The following TRPC5OS variants were observed in gnomAD, a reference collection of about 807,000 sequenced individuals.
TRPC5OS encodes putative uncharacterized protein TRPC5OS.
For missense variants in TRPC5OS, 64 were observed against 79.3 expected, an observed-to-expected ratio of 0.81 and a Z score of 0.73; for synonymous variants, 30 against 29.3, an observed-to-expected ratio of 1.02 and a Z score of -0.08.
intron 1 of TRPC5OS, among the ~76,000 whole-genome samples, chrX:111,892,368 C>T (rs922142178): frequency 1.8e-5 from 2 of 111,992 alleles, no homozygotes; most frequent in African/African-American, 6.5e-5. Flanking sequence ...ATGACCTTGC[C>T]AATTACTTTC....
intron 3 of TRPC5OS, among the ~76,000 whole-genome samples, chrX:111,900,967 G>A (rs1370379094): frequency 1.8e-5 from 2 of 111,007 alleles, no homozygotes; most frequent in Non-Finnish European, 3.8e-5. Context: ...CACTAGACAC[G>A]CAGATGAAAA....
chrX:111,902,164 T>G lies in TRPC5OS; in HGVS notation c.315T>G (p.Asn105Lys). The G allele has an allele frequency of 8.8e-7, 1 of 1,138,663 alleles. No individual in the cohort carries two copies. The highest frequency in any genetic ancestry group is 1.2e-6 in the Non-Finnish European group (1 of 864,561). 93.8% of individuals were successfully genotyped at this position (1,138,663 alleles called of 1,213,427 possible). A position where few individuals can be genotyped will look rare whatever the true frequency, so the allele number is the denominator to read the frequency against. ...NLYEDTVSGINDDLTGD is the reference protein window; with the variant it reads ...NLYEDTVSGIKDDLTGD ...ATGAAGATACAGTCTCTGGTATAAA[T>G]GATGACTTAACAGGTGACTAAGACC... Residue 105 changes from asparagine (N) to lysine (K), a missense_variant, in exon 4 of 4, where the codon AAT becomes AAG. Transcript: ENST00000635763.
chrX:111,877,097 G>A (rs1170459604), intron 1 of TRPC5OS, among the ~76,000 whole-genome samples: 1 of 111,781 alleles, frequency 8.9e-6, no homozygotes, highest in African/African-American at 3.3e-5. Context: ...AAAGGGATGG[G>A]AGTAGGGTGA....
In TRPC5OS at chrX:111,902,271, A is replaced by G. The variant is rs948908435; in HGVS notation, c.*86A>G. The G allele has an allele frequency of 1.5e-5, 9 of 619,535 alleles. No individual in the cohort carries two copies. Among genetic ancestry groups the G allele is most frequent in the African/African-American group, 6.8e-5 (3 of 43,800 alleles). 51.1% of individuals were successfully genotyped at this position (619,535 alleles called of 1,213,427 possible). ...TATTCTTATTTTCTGTATATTAGCA[A>G]TATGTGTTTTCTCATAGTTCTGCAC... On this transcript the variant is annotated 3_prime_UTR_variant, in exon 4 of 4. Transcript: ENST00000635763.
chrX:111,877,187 C>G (rs954683191), intron 1 of TRPC5OS, among the ~76,000 whole-genome samples: 10 of 111,268 alleles, frequency 9.0e-5, no homozygotes, highest in African/African-American at 2.3e-4. Context: ...TGAATTAGAG[C>G]AGTGGAAGTT....
chrX:111,894,382 A>G (rs1436012851), intron 1 of TRPC5OS, among the ~76,000 whole-genome samples: 5 of 112,178 alleles, frequency 4.5e-5, no homozygotes, highest in African/African-American at 1.6e-4. Flanking sequence ...GCAGACAAAA[A>G]AAGTCCCAAG....
At chrX:111,889,089 G>C (rs1282509806) in intron 1 of TRPC5OS, among the ~76,000 whole-genome samples, 1 of 112,104 alleles carries the variant, frequency 8.9e-6, no homozygotes, top group Non-Finnish European at 1.9e-5. Flanking sequence ...GCCTAAGCTG[G>C]CTAAATAAAT....
At chrX:111,895,067 G>A (rs1477088477) in intron 1 of TRPC5OS, among the ~76,000 whole-genome samples, 1 of 111,580 alleles carries the variant, frequency 9.0e-6, no homozygotes, top group African/African-American at 3.3e-5. Context: ...AGCATTCCAG[G>A]GTCATGTGAT....
chrX:111,876,593 T>C (rs1219600502), intron 1 of TRPC5OS, among the ~76,000 whole-genome samples: 1 of 111,709 alleles, frequency 9.0e-6, no homozygotes, highest in Non-Finnish European at 1.9e-5. Context: ...AGTTAAGACC[T>C]AATGCCCTGA....
chrX:111,902,348 C>A lies in TRPC5OS; in HGVS notation c.*163C>A. ...CAAGTGAGATTTGATTTACTTCTAG[C>A]AAAAGCTGGTCTTTTTTCATCTTTG... On this transcript the variant is annotated 3_prime_UTR_variant, in exon 4 of 4. Coordinates refer to ENST00000635763, the MANE Select transcript of TRPC5OS (RefSeq NM_001195578.2). 5.5e-6 allele frequency: 2 copies of A among 364,866 alleles called. No individual in the cohort carries two copies. Among genetic ancestry groups the A allele is most frequent in the Non-Finnish European group, 9.1e-6 (2 of 220,299 alleles). The allele number at this position is 364,866 out of a possible 1,213,427, so 30.1% of individuals were successfully genotyped here. A position where few individuals can be genotyped will look rare whatever the true frequency, so the allele number is the denominator to read the frequency against.
chrX:111,895,389 T>C (rs1002431418), intron 1 of TRPC5OS, among the ~76,000 whole-genome samples: 8 of 112,184 alleles, frequency 7.1e-5, no homozygotes, highest in African/African-American at 2.6e-4. Flanking sequence ...ATTATGTTTT[T>C]CGTATTGATT....
chrX:111,879,229 T>TA (rs969994759), intron 1 of TRPC5OS, among the ~76,000 whole-genome samples: 3 of 111,418 alleles, frequency 2.7e-5, no homozygotes, highest in East Asian at 2.8e-4. Flanking sequence ...GAGAGGGTTG[T>TA]AAAAAAAAGG....
rs981807399 is a variant in TRPC5OS, at chrX:111,879,272, G to T, written c.-546+2999G>T. On this transcript the variant is annotated intron_variant, in intron 1 of 3. Coordinates refer to ENST00000635763, the MANE Select transcript of TRPC5OS (RefSeq NM_001195578.2). ...GGTTTCAGTGCTCATTCAGAGCAGA[G>T]AACTCAGGAGACGTTGACTCTCGTT... Among the ~76,000 whole-genome samples, 3 of 112,107 alleles carry T rather than the reference G, an allele frequency of 2.7e-5. No individual in the cohort carries two copies. The Admixed American group carries it at 2.8e-4, about 11-fold the overall frequency.
At chrX:111,894,883 T>A (rs1372004675) in intron 1 of TRPC5OS, among the ~76,000 whole-genome samples, 2 of 111,463 alleles carry the variant, frequency 1.8e-5, no homozygotes, top group Non-Finnish European at 3.8e-5. Flanking sequence ...TCCCAGTCAA[T>A]AACCCCCTAC....
intron 1 of TRPC5OS, among the ~76,000 whole-genome samples, chrX:111,879,725 G>C (rs1174208622): frequency 2.7e-5 from 3 of 112,618 alleles, no homozygotes; most frequent in African/African-American, 9.7e-5. Flanking sequence ...AGATAGGCAT[G>C]ATTAGTATCT....
At position 111,902,467 on chromosome X, in the gene TRPC5OS, T is replaced by C. The variant is rs755752493; in HGVS notation, c.*282T>C. 1.3e-5 allele frequency: 2 copies of C among 155,741 alleles called. No individual in the cohort carries two copies. Among genetic ancestry groups the C allele is most frequent in the East Asian group, 3.0e-4 (2 of 6,705 alleles). 12.8% of individuals were successfully genotyped at this position (155,741 alleles called of 1,213,427 possible). ...AATTTCTGATGATGGGAGCAAACAA[T>C]AGTAAAGAAAAGAAATTCCTTGCCT... On this transcript the variant is annotated 3_prime_UTR_variant, in exon 4 of 4. Transcript: ENST00000635763.
rs1405413042 is a variant in TRPC5OS, at chrX:111,902,122, A to G, written c.273A>G (p.Leu91=). The G allele has an allele frequency of 1.0e-5, 12 of 1,150,928 alleles. No homozygotes were observed. Among genetic ancestry groups the G allele is most frequent in the Admixed American group, 2.6e-5 (1 of 38,077 alleles). The allele number at this position is 1,150,928 out of a possible 1,213,427, so 94.8% of individuals were successfully genotyped here. A position where few individuals can be genotyped will look rare whatever the true frequency, so the allele number is the denominator to read the frequency against. ...DLIFDIDQAM[L]DMDNLYEDTV... is the part of the protein sequence containing the mutation. ...TATTTGATATAGATCAGGCTATGTT[A>G]GACATGGATAACTTATATGAAGATA... is the stretch of plus-strand genomic sequence containing the variant. The change falls in exon 4 of 4, where the codon TTA becomes TTG. Residue 91 remains leucine, a synonymous_variant. Transcript: ENST00000635763.
chrX:111,880,334 TAATA>T (rs1347288491), intron 1 of TRPC5OS, among the ~76,000 whole-genome samples: 1 of 112,438 alleles, frequency 8.9e-6, no homozygotes, highest in Non-Finnish European at 1.9e-5. Context: ...AGTAGGTGAT[TAATA>T]AATATTTGTG....
chrX:111,892,562 C>T (rs1002786742), intron 1 of TRPC5OS, among the ~76,000 whole-genome samples: 1 of 111,455 alleles, frequency 9.0e-6, no homozygotes, highest in Non-Finnish European at 1.9e-5. Flanking sequence ...GAGCTCAAAG[C>T]CAGAATAAGG....
Sources: allele counts gnomAD v4.1 joint callset (sites outside exome capture counted in the v4.1 genomes callset), GRCh38; gene constraint gnomAD v4.1.1; transcripts MANE v1.5; gene names NCBI Gene and HGNC (gene_info 2026-07-23, HGNC 2026-07-21).